The following CCDC144A variants were observed in gnomAD, a reference collection of about 807,000 sequenced individuals.
CCDC144A encodes the protein coiled-coil domain-containing protein 144A.
A neutral mutation model predicts 143.8 loss-of-function variants in CCDC144A; 41 were observed. That is an observed-to-expected ratio of 0.29 (90% CI 0.22 to 0.37). The LOEUF (loss-of-function observed/expected upper bound fraction) is 0.37, where lower values mean the gene tolerates loss of function less well. Ranked by LOEUF, CCDC144A falls within the 10% of genes least tolerant of loss-of-function variation. The pLI, the probability that CCDC144A is intolerant of heterozygous loss-of-function variation, is 1.00. For synonymous variants in CCDC144A, 242 were observed against 517.9 expected, an observed-to-expected ratio of 0.47 and a Z score of 7.23; for missense variants, 637 against 1,488.8, an observed-to-expected ratio of 0.43 and a Z score of 9.41.
rs796218651 is a variant in CCDC144A, at chr17:16,739,175, A to AC, written c.3372+3535dup. 1.5e-4 allele frequency among the ~76,000 whole-genome samples: 20 copies of AC among 133,502 alleles called. No individual in the cohort carries two copies. The South Asian group carries it at 5.3e-3, about 35-fold the overall frequency. The allele number at this position is 133,502 out of a possible 152,430, so 87.6% of individuals were successfully genotyped here. On this transcript the variant is annotated intron_variant, in intron 12 of 16. Coordinates refer to ENST00000399273, the MANE Select transcript of CCDC144A (RefSeq NM_001382000.1). ...TCTGAATTTTAAGAGTTCTTTATAT[A>AC]CCCTAGGTGTAAGTCCCTTATCAGA...
the CCDC144A span, among the ~76,000 whole-genome samples, chr17:16,668,182 A>AT: frequency 6.7e-6 from 1 of 148,886 alleles, no homozygotes; most frequent in Admixed American, 6.7e-5. Flanking sequence ...TAGGCAATTC[A>AT]TTTTTCAATG....
intron 2 of CCDC144A, among the ~76,000 whole-genome samples, chr17:16,697,781 T>C (rs2928650): frequency 0.01 from 1,594 of 152,208 alleles, 37 homozygotes; most frequent in African/African-American, 0.037. Flanking sequence ...AAACGTGTCA[T>C]AGTGGAAATA....
At chr17:16,737,763 C>G (rs1914090124) in intron 12 of CCDC144A, 1 of 267,084 alleles carries the variant, frequency 3.7e-6, no homozygotes, top group African/African-American at 2.2e-5. Flanking sequence ...CAGTGGATAG[C>G]TTTCTTTTGT....
At chr17:16,721,874 T>A (rs1913108743) in intron 8 of CCDC144A, among the ~76,000 whole-genome samples, 1 of 152,222 alleles carries the variant, frequency 6.6e-6, no homozygotes, top group South Asian at 2.1e-4. Flanking sequence ...CCATCCCTAT[T>A]ATGTGATCAT....
At chr17:16,667,238 T>A in the CCDC144A span, 1 of 220,708 alleles carries the variant, frequency 4.5e-6, no homozygotes, top group Non-Finnish European at 9.0e-6. Context: ...GCTGAGAGGC[T>A]GAGGGGCTGA....
At chr17:16,770,671 C>CT (rs71269293) in intron 15 of CCDC144A, among the ~76,000 whole-genome samples, 11 of 151,142 alleles carry the variant, frequency 7.3e-5, no homozygotes, top group Non-Finnish European at 1.3e-4. Flanking sequence ...AAGTAAATCT[C>CT]TTTTTTTTTT....
chr17:16,682,361 G>A, the CCDC144A span, among the ~76,000 whole-genome samples: 1 of 151,972 alleles, frequency 6.6e-6, no homozygotes, highest in Non-Finnish European at 1.5e-5. Flanking sequence ...ACAGATAGGG[G>A]AAGAGCAAGT....
the CCDC144A span, among the ~76,000 whole-genome samples, chr17:16,678,395 G>T: frequency 6.6e-6 from 1 of 151,990 alleles, no homozygotes; most frequent in Non-Finnish European, 1.5e-5. Flanking sequence ...AATAGCCAAG[G>T]CAGTTAGAGT....
In CCDC144A at chr17:16,761,568, G is replaced by A. The variant is rs1369947317; in HGVS notation, c.3516G>A (p.Lys1172=). 20 of 1,603,106 alleles carry A rather than the reference G, an allele frequency of 1.2e-5. No individual in the cohort carries two copies. The Admixed American group carries it at 2.1e-4, about 17-fold the overall frequency. The change falls in exon 13 of 17, where the codon AAG becomes AAA. Residue 1172 remains lysine, a synonymous_variant. Coordinates refer to ENST00000399273, the MANE Select transcript of CCDC144A (RefSeq NM_001382000.1). The stretch of plus-strand genomic sequence containing the variant: ...GTGAAACACTACAGAAGAATAAGAA[G>A]CAGCTGAAACAAGAAGTAGTAAACC... The part of the protein sequence containing the change: ...KQCETLQKNK[K]QLKQEVVNLK...
intron 9 of CCDC144A, among the ~76,000 whole-genome samples, chr17:16,729,270 A>G (rs1260314811): frequency 6.6e-6 from 1 of 152,172 alleles, no homozygotes; most frequent in African/African-American, 2.4e-5. Flanking sequence ...TGACTTTTTA[A>G]TAATGAGCAT....
intron 14 of CCDC144A, among the ~76,000 whole-genome samples, chr17:16,763,648 T>C (rs1188879536): frequency 6.6e-6 from 1 of 152,246 alleles, no homozygotes; most frequent in Non-Finnish European, 1.5e-5. Context: ...AAGAATCATA[T>C]AAGTAGAGTC....
chr17:16,669,217 T>C, the CCDC144A span, among the ~76,000 whole-genome samples: 1 of 152,246 alleles, frequency 6.6e-6, no homozygotes, highest in Non-Finnish European at 1.5e-5. Context: ...TTTTGCATAA[T>C]ATATGTAATG....
intron 14 of CCDC144A, among the ~76,000 whole-genome samples, chr17:16,762,751 A>G (rs2143377401): frequency 6.6e-6 from 1 of 152,302 alleles, no homozygotes; most frequent in East Asian, 1.9e-4. Context: ...ATCTTAGTCC[A>G]GGACAGTTCC....
intron 12 of CCDC144A, chr17:16,746,192 T>C (rs1914496407): frequency 6.7e-7 from 1 of 1,497,890 alleles, no homozygotes; most frequent in African/African-American, 1.4e-5. Flanking sequence ...TTGGTTCCTC[T>C]CCCTTTTCTG....
At chr17:16,711,348 T>TA (rs1158696819) in intron 5 of CCDC144A, among the ~76,000 whole-genome samples, 1 of 151,686 alleles carries the variant, frequency 6.6e-6, no homozygotes, top group Non-Finnish European at 1.5e-5. Flanking sequence ...TCAAATGAGG[T>TA]AAAAATTCAT....
At chr17:16,688,529 G>A (rs573921366), upstream of CCDC144A, among the ~76,000 whole-genome samples, 5 of 117,156 alleles carry the variant, frequency 4.3e-5, no homozygotes, top group East Asian at 5.6e-4. Flanking sequence ...TAGCCCTGTC[G>A]CCAGGCTGGA....
intron 9 of CCDC144A, among the ~76,000 whole-genome samples, chr17:16,729,248 T>G (rs1312067281): frequency 1.3e-5 from 2 of 152,200 alleles, no homozygotes; most frequent in Non-Finnish European, 2.9e-5. Context: ...TGCACCAACA[T>G]CTATTGTTTT....
chr17:16,673,905 AACT>A, the CCDC144A span, among the ~76,000 whole-genome samples: 1 of 152,126 alleles, frequency 6.6e-6, no homozygotes, highest in Non-Finnish European at 1.5e-5. Flanking sequence ...TTTTCAAAGT[AACT>A]ACATTTCTTT....
rs200013367 is a variant in CCDC144A at position 16,746,336 on chromosome 17, TCTAA to T, written c.3372+10696_3372+10699del. ...TTCCTCTTCCCGCAAACGTTTATTT[TCTAA>T]CTCTCTCCTCCGTTCTTCTCGCTTC... On this transcript the variant is annotated intron_variant, in intron 12 of 16. Transcript: ENST00000399273. 2.5e-5 allele frequency: 29 copies of T among 1,164,454 alleles called. No homozygotes were observed. The African/African-American group carries it at 3.4e-4, about 13-fold the overall frequency. 72.1% of individuals were successfully genotyped at this position (1,164,454 alleles called of 1,614,324 possible). A position where few individuals can be genotyped will look rare whatever the true frequency, so the allele number is the denominator to read the frequency against.
Sources: allele counts gnomAD v4.1 joint callset (sites outside exome capture counted in the v4.1 genomes callset), GRCh38; gene constraint gnomAD v4.1.1; transcripts MANE v1.5; gene names NCBI Gene and HGNC (gene_info 2026-07-23, HGNC 2026-07-21).